CSK: variants seen among roughly 807,000 people sequenced by gnomAD.
The protein encoded by CSK is C-terminal Src kinase.
A neutral mutation model predicts 62.3 loss-of-function variants in CSK; 7 were observed. The ratio of observed to expected loss-of-function variants is 0.11; its 90% confidence interval spans 0.06 to 0.21. CSK has a LOEUF of 0.21. CSK is among the 10% of genes least tolerant of loss of function. CSK has a pLI of 1.00. For missense variants in CSK, 294 were observed against 613.5 expected, an observed-to-expected ratio of 0.48 and a Z score of 5.50; for synonymous variants, 237 against 246.0, an observed-to-expected ratio of 0.96 and a Z score of 0.34.
At chr15:74,792,386 G>A (rs1487517311) in intron 1 of CSK, among the ~76,000 whole-genome samples, 2 of 152,114 alleles carry the variant, frequency 1.3e-5, no homozygotes, top group Admixed American at 6.5e-5. Context: ...AACAGCAGAT[G>A]GGAAACAGGT....
At chr15:74,788,548 T>C (rs1265397664) in intron 1 of CSK, 1 of 152,460 alleles carries the variant, frequency 6.6e-6, no homozygotes, top group African/African-American at 2.4e-5. Flanking sequence ...GTTCTCATTC[T>C]GCAGCCCATC....
At chr15:74,788,606 G>T (rs2063560942) in intron 1 of CSK, 1 of 153,520 alleles carries the variant, frequency 6.5e-6, no homozygotes, top group African/African-American at 2.4e-5. Flanking sequence ...TTAAGTAGTA[G>T]CAAGTCTGTC....
rs377655211 is a variant in CSK, at chr15:74,786,468, A to G, written c.-66+3748A>G. Among the ~76,000 whole-genome samples the G allele has an allele frequency of 3.3e-5, 5 of 152,284 alleles. No homozygotes were observed. The South Asian group carries it at 1.0e-3, about 32-fold the overall frequency. On this transcript the variant is annotated intron_variant, in intron 1 of 12. Transcript: ENST00000220003. The stretch of plus-strand genomic sequence containing the variant: ...GCCCCAGCCCAAGAACAGCCATGCC[A>G]GCCTCATCTTCGCACCCTGTTCCAG...
chr15:74,802,301 G>A, intron 12 of CSK, 30 bp from the exon 13 acceptor site: 1 of 1,557,472 alleles, frequency 6.4e-7, no homozygotes, highest in South Asian at 1.2e-5. Context: ...GCCAGGGCCT[G>A]GACTGACTCC....
chr15:74,799,139 G>T, intron 4 of CSK, 133 bp from the exon 5 acceptor site: 1 of 1,055,864 alleles, frequency 9.5e-7, no homozygotes. Context: ...ACAGGGAGCA[G>T]AAGAAGAGGG....
intron 1 of CSK, among the ~76,000 whole-genome samples, chr15:74,785,282 G>A (rs987185279): frequency 1.3e-5 from 2 of 152,118 alleles, no homozygotes; most frequent in African/African-American, 4.8e-5. Context: ...TCTAAGTAAC[G>A]TTGCTTCTAA....
chr15:74,799,236 T>G (rs773825022), intron 4 of CSK, 36 bp from the exon 5 acceptor site: 1 of 1,580,190 alleles, frequency 6.3e-7, no homozygotes, highest in Non-Finnish European at 8.6e-7. Context: ...TCAGTACCTT[T>G]GGGCCACCAT....
intron 1 of CSK, among the ~76,000 whole-genome samples, chr15:74,790,218 T>G (rs537802106): frequency 2.6e-4 from 39 of 152,304 alleles, no homozygotes; most frequent in African/African-American, 8.4e-4. Context: ...GCACTTCCCT[T>G]TTCAGTGGGT....
intron 1 of CSK, among the ~76,000 whole-genome samples, chr15:74,793,878 G>T (rs1253434467): frequency 6.6e-6 from 1 of 152,008 alleles, no homozygotes; most frequent in African/African-American, 2.4e-5. Flanking sequence ...GAGGAAGGGG[G>T]AGGCATGGGG....
chr15:74,792,815 G>T (rs1437798932), intron 1 of CSK, among the ~76,000 whole-genome samples: 1 of 152,236 alleles, frequency 6.6e-6, no homozygotes, highest in African/African-American at 2.4e-5. Context: ...CCCAGCACAA[G>T]GGCTACTGGG....
chr15:74,800,068 TTGGCCTGTGGCAGGTGAGGGTGGGGTCC>T (rs1459566405), intron 5 of CSK, among the ~76,000 whole-genome samples: 1 of 152,190 alleles, frequency 6.6e-6, no homozygotes. Context: ...CTGGCCTGGC[TTGGCCTGTGGCAGGTGAGGGTGGGGTCC>T]TGGGCACTCC....
rs779097494 is a variant in CSK, at chr15:74,799,504, G to C, written c.462+13G>C. Reference sequence around the variant, plus strand: ...GCAGCTGGTGGAGGTGAGCTGGGGGGTACAGAGCCTTGCTCCCACCCTCAC... The same window carrying C: ...GCAGCTGGTGGAGGTGAGCTGGGGGCTACAGAGCCTTGCTCCCACCCTCAC... On this transcript the variant is annotated intron_variant, in intron 5 of 12. Transcript: ENST00000220003. 4.3e-6 allele frequency: 7 copies of C among 1,609,566 alleles called. No individual in the cohort carries two copies. The highest frequency in any genetic ancestry group is 5.9e-6 in the Non-Finnish European group (7 of 1,178,370).
Position 74,798,822 on chromosome 15 carries a change from C to A in CSK, c.130-4C>A. 1.9e-6 allele frequency: 3 copies of A among 1,601,664 alleles called. No homozygotes were observed. The highest frequency in any genetic ancestry group is 1.1e-5 in the South Asian group (1 of 89,398). On this transcript the variant is annotated splice_polypyrimidine_tract_variant and splice_region_variant and intron_variant, in intron 3 of 12. Transcript: ENST00000220003. The surrounding 1 kb of genome is among the most constrained non-coding windows in gnomAD (Gnocchi z 6.6). ...AGAGCATGTCTGGGCTGCCCTCTCC[C>A]CAGGACCCCAACTGGTACAAAGCCA...
chr15:74,792,051 A>T (rs969270535), intron 1 of CSK, among the ~76,000 whole-genome samples: 2 of 151,994 alleles, frequency 1.3e-5, no homozygotes, highest in Non-Finnish European at 2.9e-5. Flanking sequence ...ATACTCTATC[A>T]TGGGGAGTGT....
At chr15:74,799,075 C>G (rs936483388) in intron 4 of CSK, 137 bp downstream of exon 4, 1 of 975,216 alleles carries the variant, frequency 1.0e-6, no homozygotes, top group Non-Finnish European at 1.5e-6. Context: ...GGTGCGGGTG[C>G]GGGACCTCAC....
Position 74,802,705 on chromosome 15 carries a change from T to TGAG in CSK, c.*194_*196dup. On this transcript the variant is annotated 3_prime_UTR_variant, in exon 13 of 13. Coordinates refer to ENST00000220003, the MANE Select transcript of CSK (RefSeq NM_004383.3). ...CACCTGTGGGGCCTGGGGAGCCCAC[T>TGAG]GAGGGGCCAGGGAGGAAGGAGGCCA... 1 of 654,632 alleles carries TGAG rather than the reference T, an allele frequency of 1.5e-6. No homozygotes were observed. The highest frequency in any genetic ancestry group is 2.4e-6 in the Non-Finnish European group (1 of 421,196). The allele number at this position is 654,632 out of a possible 1,614,324, so 40.6% of individuals were successfully genotyped here.
intron 1 of CSK, among the ~76,000 whole-genome samples, chr15:74,786,846 A>G (rs898196002): frequency 2.0e-5 from 3 of 152,208 alleles, no homozygotes; most frequent in African/African-American, 7.2e-5. Context: ...CAGGTGGCCC[A>G]TTCAGTGCAG....
At chr15:74,793,654 A>G (rs766391837) in intron 1 of CSK, among the ~76,000 whole-genome samples, 11 of 152,214 alleles carry the variant, frequency 7.2e-5, no homozygotes, top group Non-Finnish European at 1.3e-4. Flanking sequence ...AGAGGATGTG[A>G]TGAGCCATAA....
At chr15:74,801,181 C>G in intron 9 of CSK, 79 bp downstream of exon 9, 1 of 1,515,340 alleles carries the variant, frequency 6.6e-7, no homozygotes, top group Non-Finnish European at 9.1e-7. Flanking sequence ...CCCCTGCTCC[C>G]TCAGTCCCCC....
Sources: gnomAD v4.1 joint callset for allele counts (sites outside exome capture counted in the v4.1 genomes callset) on GRCh38, gnomAD v4.1.1 for gene constraint, Gnocchi (gnomAD v3.1) non-coding constraint, MANE v1.5 for transcripts, NCBI Gene and HGNC (gene_info 2026-07-23, HGNC 2026-07-21) for gene names.